The following DOCK1 variants were observed in gnomAD, a reference collection of about 807,000 sequenced individuals.
DOCK1 encodes the protein dedicator of cytokinesis 1.
DOCK1 carries 138 observed loss-of-function variants against 262.7 expected under a neutral mutation model. That is an observed-to-expected ratio of 0.53 (90% CI 0.46 to 0.61). The LOEUF (loss-of-function observed/expected upper bound fraction) is 0.61, where lower values mean the gene tolerates loss of function less well. Among genes scored for constraint, DOCK1 ranks in the 20% least tolerant of loss-of-function variants. The pLI, the probability that DOCK1 is intolerant of heterozygous loss-of-function variation, is 0.00. For missense variants in DOCK1, 1,908 were observed against 2,370.7 expected (o/e 0.80, Z 4.05); for synonymous variants, 866 against 867.4 (o/e 1.00, Z 0.03).
At chr10:127,239,992 C>T (rs1379496955) in intron 27 of DOCK1, among the ~76,000 whole-genome samples, 1 of 151,984 alleles carries the variant, frequency 6.6e-6, no homozygotes, top group East Asian at 1.9e-4. Context: ...TAGCAAATAA[C>T]TGTTATGGGT....
intron 23 of DOCK1, among the ~76,000 whole-genome samples, chr10:127,093,733 A>G (rs2047730071): frequency 6.6e-6 from 1 of 151,758 alleles, no homozygotes; most frequent in African/African-American, 2.4e-5. Flanking sequence ...ATCTGCAAAG[A>G]TTCTGTTTCT....
chr10:127,231,741 A>G (rs1028768834), intron 27 of DOCK1, among the ~76,000 whole-genome samples: 4 of 152,194 alleles, frequency 2.6e-5, no homozygotes, highest in African/African-American at 7.2e-5. Flanking sequence ...GTTGGAATAA[A>G]TGTTTTCCCT....
At chr10:127,341,731 C>A (rs922639440) in intron 30 of DOCK1, among the ~76,000 whole-genome samples, 1 of 152,184 alleles carries the variant, frequency 6.6e-6, no homozygotes, top group African/African-American at 2.4e-5. Flanking sequence ...CTTGGACTCT[C>A]ACCGTGAGCC....
At chr10:127,449,637 G>A (rs979039451) in intron 51 of DOCK1, among the ~76,000 whole-genome samples, 2 of 152,154 alleles carry the variant, frequency 1.3e-5, no homozygotes, top group Non-Finnish European at 2.9e-5. Flanking sequence ...CACGCTGGTG[G>A]TTAGTATGTC....
chr10:127,150,338 C>G (rs977862264), intron 27 of DOCK1, among the ~76,000 whole-genome samples: 1 of 150,026 alleles, frequency 6.7e-6, no homozygotes, highest in Non-Finnish European at 1.5e-5. Flanking sequence ...ATTGCTCACC[C>G]TCCCCTTTCT....
Position 127,268,191 on chromosome 10 carries a change from T to C in DOCK1, c.3044+10762T>C, listed in dbSNP as rs1357768435. Among the ~76,000 whole-genome samples the C allele has an allele frequency of 4.0e-5, 6 of 151,830 alleles. No individual in the cohort carries two copies. In the East Asian group the frequency reaches 7.8e-4, roughly 20 times the overall value. On this transcript the variant is annotated intron_variant, in intron 29 of 51. Transcript: ENST00000623213. ...CCATGTGATAGATGAAAAAACAGAG[T>C]CCAGAGTCTCAGTGATGCTCAGTAA...
chr10:127,065,858 A>T (rs2045836401), intron 23 of DOCK1, among the ~76,000 whole-genome samples: 1 of 151,922 alleles, frequency 6.6e-6, no homozygotes, highest in South Asian at 2.1e-4. Flanking sequence ...CCATCTCGAA[A>T]AAAAAATGAT....
At chr10:127,440,739 T>C (rs545403252) in intron 49 of DOCK1, among the ~76,000 whole-genome samples, 1 of 152,322 alleles carries the variant, frequency 6.6e-6, no homozygotes, top group East Asian at 1.9e-4. Flanking sequence ...CCAGCGCTGC[T>C]CTGCGGCCTG....
chr10:127,439,675 G>T (rs964595915), intron 49 of DOCK1, among the ~76,000 whole-genome samples: 1 of 152,180 alleles, frequency 6.6e-6, no homozygotes, highest in Non-Finnish European at 1.5e-5. Flanking sequence ...AGAATCCAAA[G>T]ACCTCTTCCC....
intron 27 of DOCK1, among the ~76,000 whole-genome samples, chr10:127,243,133 C>T (rs1736766327): frequency 1.3e-5 from 2 of 152,126 alleles, no homozygotes; most frequent in Admixed American, 6.5e-5. Context: ...AATTTTATAC[C>T]CTGCTATCCA....
intron 27 of DOCK1, chr10:127,138,063 CCATA>C: frequency 6.5e-7 from 1 of 1,529,482 alleles, no homozygotes. Flanking sequence ...TTGATCTTTT[CCATA>C]TGAAGATCCC....
At chr10:127,324,848 A>C (rs895381408) in intron 29 of DOCK1, among the ~76,000 whole-genome samples, 1 of 152,188 alleles carries the variant, frequency 6.6e-6, no homozygotes, top group Non-Finnish European at 1.5e-5. Context: ...AGCCTTGATA[A>C]ATGATTCATC....
intron 24 of DOCK1, among the ~76,000 whole-genome samples, chr10:127,107,942 C>G (rs538996712): frequency 1.3e-5 from 2 of 152,162 alleles, no homozygotes; most frequent in Non-Finnish European, 2.9e-5. Context: ...CCTCACTGTA[C>G]GCACAAATTA....
chr10:126,922,758 C>G (rs1443672566), intron 1 of DOCK1, among the ~76,000 whole-genome samples: 1 of 152,142 alleles, frequency 6.6e-6, no homozygotes, highest in Non-Finnish European at 1.5e-5. Flanking sequence ...TTACACACTA[C>G]TAAATTGTAT....
At chr10:127,101,609 C>T (rs1044176128) in intron 23 of DOCK1, among the ~76,000 whole-genome samples, 48 of 152,176 alleles carry the variant, frequency 3.2e-4, no homozygotes, top group African/African-American at 7.7e-4. Flanking sequence ...GCTAGGAGCT[C>T]GGGAAGACCA....
chr10:127,400,923 T>C (rs913888375), intron 38 of DOCK1, among the ~76,000 whole-genome samples: 6 of 152,198 alleles, frequency 3.9e-5, no homozygotes, highest in Admixed American at 2.0e-4. Flanking sequence ...TGAAAGGCCA[T>C]CAGGCTAGGA....
intron 1 of DOCK1, among the ~76,000 whole-genome samples, chr10:126,936,237 C>CA (rs1340438561): frequency 2.0e-5 from 3 of 152,242 alleles, no homozygotes; most frequent in Non-Finnish European, 4.4e-5. Flanking sequence ...CCTTGTGTCT[C>CA]AGCCTCCCAA....
chr10:126,911,706 C>CG (rs1341230097), intron 1 of DOCK1, among the ~76,000 whole-genome samples: 1 of 152,092 alleles, frequency 6.6e-6, no homozygotes, highest in Non-Finnish European at 1.5e-5. Flanking sequence ...TTTTAAGCAG[C>CG]GATGTTCTGG....
chr10:127,449,065 C>A (rs1247835094), intron 51 of DOCK1, among the ~76,000 whole-genome samples: 1 of 152,152 alleles, frequency 6.6e-6, no homozygotes, highest in Non-Finnish European at 1.5e-5. Flanking sequence ...AACAGGCTCC[C>A]TCTCCCTAGA....
Sources: gnomAD v4.1 joint callset for allele counts (sites outside exome capture counted in the v4.1 genomes callset) on GRCh38, gnomAD v4.1.1 for gene constraint, MANE v1.5 for transcripts, NCBI Gene and HGNC (gene_info 2026-07-23, HGNC 2026-07-21) for gene names.